Variants in C10orf90 observed in about 807,000 individuals in gnomAD.
C10orf90 encodes the protein (E2-independent) E3 ubiquitin-conjugating enzyme FATS.
In C10orf90, 56 loss-of-function variants were observed where a neutral mutation model predicts 62.5. The ratio of observed to expected loss-of-function variants is 0.90; its 90% CI spans 0.72 to 1.12. The LOEUF (loss-of-function observed/expected upper bound fraction) is 1.12, where lower values mean the gene tolerates loss of function less well. Among genes scored for constraint, C10orf90 ranks in the 50% most tolerant of loss-of-function variants. The probability of loss-of-function intolerance (pLI) is 0.00; values close to 1 mark genes in which losing one functional copy is unlikely to be tolerated. For synonymous variants in C10orf90, 386 were observed against 340.4 expected (o/e 1.13, Z -1.47); for missense variants, 970 against 880.4 (o/e 1.10, Z -1.29).
intron 7 of C10orf90, among the ~76,000 whole-genome samples, chr10:126,448,424 A>G (rs1267782533): frequency 6.6e-6 from 1 of 152,178 alleles, no homozygotes; most frequent in African/African-American, 2.4e-5. Context: ...TACATTAAGA[A>G]AGAAGAAAGA....
chr10:126,656,609 A>G (rs1846399723), intron 1 of C10orf90, among the ~76,000 whole-genome samples: 1 of 152,252 alleles, frequency 6.6e-6, no homozygotes, highest in South Asian at 2.1e-4. Context: ...TACATACTTC[A>G]GGATTTCAGC....
At chr10:126,595,549 TG>T (rs1368473475) in intron 2 of C10orf90, among the ~76,000 whole-genome samples, 1 of 152,192 alleles carries the variant, frequency 6.6e-6, no homozygotes, top group Admixed American at 6.5e-5. Flanking sequence ...CACCAGAGGC[TG>T]TGTGGAGGTG....
At chr10:126,586,368 C>A (rs934437488) in intron 2 of C10orf90, among the ~76,000 whole-genome samples, 1 of 152,192 alleles carries the variant, frequency 6.6e-6, no homozygotes, top group African/African-American at 2.4e-5. Flanking sequence ...AGCAAAAGAG[C>A]GTTTGCAACG....
intron 2 of C10orf90, among the ~76,000 whole-genome samples, chr10:126,555,261 G>A (rs1010378737): frequency 6.6e-6 from 1 of 152,092 alleles, no homozygotes; most frequent in Admixed American, 6.6e-5. Flanking sequence ...TGGTAGCAGA[G>A]GGGTGAGGAG....
chr10:126,520,613 G>C (rs929232769), intron 2 of C10orf90: 1 of 152,262 alleles, frequency 6.6e-6, no homozygotes, highest in East Asian at 1.9e-4. Context: ...TGGTGCCTGC[G>C]TTCGTTCCCA....
intron 1 of C10orf90, among the ~76,000 whole-genome samples, chr10:126,656,127 A>G (rs1459629796): frequency 6.6e-6 from 1 of 152,190 alleles, no homozygotes; most frequent in African/African-American, 2.4e-5. Flanking sequence ...TAGCAGCCAC[A>G]CCATGGAGTG....
chr10:126,579,916 A>G (rs1314149294), intron 2 of C10orf90, among the ~76,000 whole-genome samples: 2 of 152,164 alleles, frequency 1.3e-5, no homozygotes, highest in African/African-American at 4.8e-5. Flanking sequence ...ATTTGTTCGA[A>G]ATCATCAATC....
intron 2 of C10orf90, chr10:126,523,046 C>G (rs1217957551): frequency 6.6e-6 from 1 of 152,192 alleles, no homozygotes; most frequent in Admixed American, 6.5e-5. Flanking sequence ...TTATTAGATA[C>G]AGTTTTACAC....
At chr10:126,461,290 T>A in intron 6 of C10orf90, 111 bp downstream of exon 6, 1 of 1,260,944 alleles carries the variant, frequency 7.9e-7, no homozygotes, top group Non-Finnish European at 1.1e-6. Context: ...TGCTACAAAG[T>A]GAAATCAGGT....
chr10:126,667,081 CAG>C (rs1340481487), intron 1 of C10orf90, among the ~76,000 whole-genome samples: 1 of 147,600 alleles, frequency 6.8e-6, no homozygotes, highest in Non-Finnish European at 1.5e-5. Context: ...GCTTTGGAAA[CAG>C]AGTGTTGCTC....
chr10:126,554,580 G>C (rs969173752), intron 2 of C10orf90, among the ~76,000 whole-genome samples: 1 of 152,196 alleles, frequency 6.6e-6, no homozygotes, highest in African/African-American at 2.4e-5. Flanking sequence ...ACGGTGCAAA[G>C]TGCATAGCAA....
chr10:126,548,959 C>T (rs1864567633), intron 2 of C10orf90, among the ~76,000 whole-genome samples: 1 of 152,086 alleles, frequency 6.6e-6, no homozygotes, highest in Admixed American at 6.6e-5. Context: ...CAACTAGACA[C>T]TCAAAGGCCA....
chr10:126,507,058 T>A (rs1445728242), intron 3 of C10orf90, among the ~76,000 whole-genome samples: 3 of 151,842 alleles, frequency 2.0e-5, no homozygotes, highest in African/African-American at 7.3e-5. Context: ...GTGGGTTTTT[T>A]AAAAAAAGGA....
At chr10:126,465,967 G>C (rs1860260744) in intron 4 of C10orf90, among the ~76,000 whole-genome samples, 1 of 152,186 alleles carries the variant, frequency 6.6e-6, no homozygotes, top group Non-Finnish European at 1.5e-5. Flanking sequence ...TCTCAGGAGA[G>C]GGCAATGTAA....
At chr10:126,597,974 TA>T (rs1183883850) in intron 2 of C10orf90, among the ~76,000 whole-genome samples, 5 of 152,164 alleles carry the variant, frequency 3.3e-5, no homozygotes. Flanking sequence ...CAGCTATGAA[TA>T]TACCTAGCCC....
At chr10:126,563,096 T>C (rs1864940293) in intron 2 of C10orf90, among the ~76,000 whole-genome samples, 1 of 152,142 alleles carries the variant, frequency 6.6e-6, no homozygotes, top group African/African-American at 2.4e-5. Flanking sequence ...AAGTGGCAAA[T>C]GCTACAACTC....
chr10:126,656,897 A>T (rs1244031416), intron 1 of C10orf90, among the ~76,000 whole-genome samples: 1 of 152,268 alleles, frequency 6.6e-6, no homozygotes, highest in Non-Finnish European at 1.5e-5. Flanking sequence ...GCTTCAACTT[A>T]GCTTAGAATT....
intron 7 of C10orf90, among the ~76,000 whole-genome samples, chr10:126,432,049 T>C (rs1857603907): frequency 6.6e-6 from 1 of 152,170 alleles, no homozygotes; most frequent in African/African-American, 2.4e-5. Context: ...CCCGGGGAAG[T>C]ATTTGCAGGT....
At chr10:126,647,489 G>C (rs1202388938) in intron 1 of C10orf90, among the ~76,000 whole-genome samples, 2 of 152,348 alleles carry the variant, frequency 1.3e-5, no homozygotes, top group Non-Finnish European at 2.9e-5. Context: ...TGGGCAACCA[G>C]CTCTGGGGTT....
Sources: gnomAD v4.1 joint callset for allele counts (sites outside exome capture counted in the v4.1 genomes callset) on GRCh38, gnomAD v4.1.1 for gene constraint, MANE v1.5 for transcripts, NCBI Gene and HGNC (gene_info 2026-07-23, HGNC 2026-07-21) for gene names.